Variants in CPQ observed in about 807,000 individuals in gnomAD.
The protein encoded by CPQ is carboxypeptidase Q.
A neutral mutation model predicts 45.7 loss-of-function variants in CPQ; 37 were observed. The observed-to-expected ratio is 0.81, with a 90% CI of 0.62 to 1.07. The LOEUF is 1.07. Ranked by LOEUF, CPQ falls within the 50% of genes least tolerant of loss-of-function variation. The pLI is 0.00. For missense variants in CPQ, 537 were observed against 572.9 expected, an observed-to-expected ratio of 0.94 and a Z score of 0.64; for synonymous variants, 186 against 205.8, an observed-to-expected ratio of 0.90 and a Z score of 0.82.
chr8:97,017,999 C>T (rs950327075), intron 5 of CPQ, among the ~76,000 whole-genome samples: 3 of 152,136 alleles, frequency 2.0e-5, no homozygotes, highest in East Asian at 1.9e-4. Flanking sequence ...ACCTCCTTGC[C>T]GCCTCCACCA....
intron 7 of CPQ, among the ~76,000 whole-genome samples, chr8:97,077,441 AC>A (rs1278449754): frequency 6.6e-6 from 1 of 152,210 alleles, no homozygotes. Context: ...TGAAATTACT[AC>A]AGTAGTACAG....
intron 7 of CPQ, among the ~76,000 whole-genome samples, chr8:97,136,792 C>T (rs1250901462): frequency 6.6e-6 from 1 of 152,212 alleles, no homozygotes; most frequent in East Asian, 1.9e-4. Flanking sequence ...TGCCAGCTTT[C>T]CATTTCATAA....
chr8:97,034,891 AT>A lies in CPQ; in HGVS notation c.1053+5413del, dbSNP rs111486679. Among the ~76,000 whole-genome samples the A allele has an allele frequency of 1.0e-2, 1,226 of 122,922 alleles. 10 individuals are homozygous for A. The highest frequency in any genetic ancestry group is 0.028 in the African/African-American group (940 of 33,332). The allele number at this position is 122,922 out of a possible 152,430, so 80.6% of individuals were successfully genotyped here. ...CATTAACAGTAGTTTGTCCCTTTCT[AT>A]TTTTTTTTTTTTTTTCGAGATGGAG... On this transcript the variant is annotated intron_variant, in intron 6 of 7. Coordinates refer to ENST00000220763, the MANE Select transcript of CPQ (RefSeq NM_016134.4).
At chr8:96,678,654 G>A (rs1181042830) in intron 1 of CPQ, among the ~76,000 whole-genome samples, 1 of 151,618 alleles carries the variant, frequency 6.6e-6, no homozygotes, top group East Asian at 1.9e-4. Flanking sequence ...TTCATGATTA[G>A]TGATGCAAAG....
chr8:96,647,323 T>G (rs906491337), intron 1 of CPQ, among the ~76,000 whole-genome samples: 3 of 152,198 alleles, frequency 2.0e-5, no homozygotes, highest in African/African-American at 7.2e-5. Flanking sequence ...CTCACACTGT[T>G]TTCCCAATGA....
At chr8:96,955,956 A>T (rs1734117253) in intron 4 of CPQ, among the ~76,000 whole-genome samples, 1 of 152,204 alleles carries the variant, frequency 6.6e-6, no homozygotes, top group Admixed American at 6.5e-5. Context: ...TTCAGGACAT[A>T]GGCATGGGCA....
At chr8:96,700,101 C>T (rs1809435655) in intron 1 of CPQ, among the ~76,000 whole-genome samples, 2 of 152,076 alleles carry the variant, frequency 1.3e-5, no homozygotes, top group African/African-American at 4.8e-5. Context: ...GCAGCAGAGG[C>T]TTAGCTTGGT....
intron 5 of CPQ, among the ~76,000 whole-genome samples, chr8:96,988,150 G>C (rs1470100141): frequency 6.6e-6 from 1 of 152,090 alleles, no homozygotes; most frequent in Non-Finnish European, 1.5e-5. Context: ...TATCTGTCCT[G>C]AAGTTTTATA....
chr8:96,975,171 A>G (rs1480383892), intron 5 of CPQ, among the ~76,000 whole-genome samples: 1 of 152,132 alleles, frequency 6.6e-6, no homozygotes, highest in Non-Finnish European at 1.5e-5. Context: ...AGATATTACA[A>G]CTGGTACCAC....
rs77645294 is a variant in CPQ at position 96,697,151 on chromosome 8, A to G, written c.-35+51749A>G. 1.5e-4 allele frequency among the ~76,000 whole-genome samples: 23 copies of G among 152,334 alleles called. No individual in the cohort carries two copies. In the South Asian group the frequency reaches 2.1e-3, roughly 14 times the overall value. On this transcript the variant is annotated intron_variant, in intron 1 of 7. Transcript: ENST00000220763. Reference sequence around the variant, plus strand: ...ACAAAACATTAGCAAACTAAATTCAATGATACACTAAAAAGATTCATCATG... The same window carrying G: ...ACAAAACATTAGCAAACTAAATTCAGTGATACACTAAAAAGATTCATCATG...
chr8:97,071,046 T>C (rs1810732870), intron 7 of CPQ, among the ~76,000 whole-genome samples: 1 of 152,160 alleles, frequency 6.6e-6, no homozygotes, highest in Non-Finnish European at 1.5e-5. Context: ...AGCCCACTCT[T>C]ACTCTATATC....
In CPQ at chr8:97,066,052, G is replaced by A. The variant is rs778960291; in HGVS notation, c.1097G>A (p.Gly366Glu). ...NYSLVMESDAGTFLPTGLQFT... is the reference protein window; with the variant it reads ...NYSLVMESDAETFLPTGLQFT... Reference sequence around the variant, plus strand: ...AGTCTGGTGATGGAGTCTGACGCAGGAACCTTCTTACCCACTGGGCTGCAA... The same window carrying A: ...AGTCTGGTGATGGAGTCTGACGCAGAAACCTTCTTACCCACTGGGCTGCAA... Residue 366 changes from glycine to glutamate, a missense_variant, in exon 7 of 8, where the codon GGA becomes GAA. Coordinates refer to ENST00000220763, the MANE Select transcript of CPQ (RefSeq NM_016134.4). The A allele has an allele frequency of 6.2e-7, 1 of 1,611,562 alleles. No homozygotes were observed. The highest frequency in any genetic ancestry group is 8.5e-7 in the Non-Finnish European group (1 of 1,179,316).
intron 1 of CPQ, among the ~76,000 whole-genome samples, chr8:96,731,215 C>A (rs1225743026): frequency 6.6e-6 from 1 of 151,936 alleles, no homozygotes; most frequent in Non-Finnish European, 1.5e-5. Context: ...CTTTGGACAA[C>A]TATAAACTCT....
chr8:96,793,473 GC>G (rs1810879953), intron 2 of CPQ, among the ~76,000 whole-genome samples: 1 of 151,622 alleles, frequency 6.6e-6, no homozygotes, highest in East Asian at 2.0e-4. Flanking sequence ...GGAAGGACCT[GC>G]CCCCATGATT....
At chr8:96,940,803 GTCT>G (rs1813114958) in intron 4 of CPQ, among the ~76,000 whole-genome samples, 1 of 152,140 alleles carries the variant, frequency 6.6e-6, no homozygotes, top group Non-Finnish European at 1.5e-5. Flanking sequence ...ACTGGAGTTA[GTCT>G]TCTTTGGTAA....
intron 1 of CPQ, among the ~76,000 whole-genome samples, chr8:96,749,977 A>G (rs1441883582): frequency 2.6e-5 from 4 of 152,164 alleles, no homozygotes; most frequent in Non-Finnish European, 4.4e-5. Context: ...TGATTAATCT[A>G]TACAAGGTAA....
intron 6 of CPQ, among the ~76,000 whole-genome samples, chr8:97,043,678 C>T (rs1327514629): frequency 1.3e-5 from 2 of 152,118 alleles, no homozygotes; most frequent in African/African-American, 2.4e-5. Flanking sequence ...TTAGGGCAGG[C>T]CTGGTGGTGA....
At chr8:96,652,010 A>G (rs1815582046) in intron 1 of CPQ, among the ~76,000 whole-genome samples, 1 of 152,228 alleles carries the variant, frequency 6.6e-6, no homozygotes, top group Non-Finnish European at 1.5e-5. Flanking sequence ...TCTCTTAGCA[A>G]TTTTGAAATA....
rs1293666761 is a variant in CPQ, at chr8:96,783,464, G to A, written c.-34-1400G>A. ...AGAAGGGCAAAGAGGGGATGAGAGA[G>A]ATCAAAGGAGACACAAACCCCTTCC... On this transcript the variant is annotated intron_variant, in intron 1 of 7. Transcript: ENST00000220763. Among the ~76,000 whole-genome samples the A allele has an allele frequency of 2.6e-5, 4 of 152,256 alleles. No individual in the cohort carries two copies. In the East Asian group the frequency reaches 7.7e-4, roughly 29 times the overall value.
Sources: allele counts gnomAD v4.1 joint callset (sites outside exome capture counted in the v4.1 genomes callset), GRCh38; gene constraint gnomAD v4.1.1; transcripts MANE v1.5; gene names NCBI Gene and HGNC (gene_info 2026-07-23, HGNC 2026-07-21).